Variants in ASXL2 observed in about 807,000 individuals in gnomAD.
The protein encoded by ASXL2 is putative Polycomb group protein ASXL2.
A neutral mutation model predicts 122.0 loss-of-function variants in ASXL2; 23 were observed. The observed-to-expected ratio is 0.19, with a 90% CI of 0.14 to 0.27. The LOEUF is 0.27. ASXL2 is among the 10% of genes least tolerant of loss of function. ASXL2 has a pLI of 1.00. For synonymous variants in ASXL2, 650 were observed against 637.0 expected (o/e 1.02, Z -0.31); for missense variants, 1,518 against 1,713.8 (o/e 0.89, Z 2.02).
At chr2:25,847,624 T>C (rs956595027) in intron 1 of ASXL2, among the ~76,000 whole-genome samples, 1 of 152,226 alleles carries the variant, frequency 6.6e-6, no homozygotes, top group African/African-American at 2.4e-5. Flanking sequence ...CTTCTATTTA[T>C]TTATTGTTTA....
chr2:25,737,152 C>T lies in ASXL2; in HGVS notation c.*4877G>A, dbSNP rs2087749719. 6.6e-6 allele frequency: 1 copy of T among 151,960 alleles called. No individual in the cohort carries two copies. Among genetic ancestry groups the T allele is most frequent in the African/African-American group, 2.4e-5 (1 of 41,348 alleles). 9.4% of individuals were successfully genotyped at this position (151,960 alleles called of 1,614,324 possible). ...TTATTTTCCTTGCTCTTTGACCTCTCCAGATTAGACGGGCAGGAAGGACAT... is the reference window on the plus strand; with the variant it reads ...TTATTTTCCTTGCTCTTTGACCTCTTCAGATTAGACGGGCAGGAAGGACAT... On this transcript the variant is annotated 3_prime_UTR_variant, in exon 13 of 13. Transcript: ENST00000435504.
intron 3 of ASXL2, among the ~76,000 whole-genome samples, chr2:25,832,560 G>A (rs2089466213): frequency 6.6e-6 from 1 of 151,608 alleles, no homozygotes; most frequent in African/African-American, 2.4e-5. Context: ...GCAAGGATTG[G>A]CAGCATGGGC....
At chr2:25,764,451 A>G (rs1242065525) in intron 8 of ASXL2, among the ~76,000 whole-genome samples, 1 of 152,190 alleles carries the variant, frequency 6.6e-6, no homozygotes, top group East Asian at 1.9e-4. Flanking sequence ...ATAAATAAAA[A>G]TCACCAAAAA....
At chr2:25,835,027 T>C (rs2149188425) in intron 3 of ASXL2, among the ~76,000 whole-genome samples, 1 of 152,236 alleles carries the variant, frequency 6.6e-6, no homozygotes. Flanking sequence ...TTTCACCATA[T>C]TGGTCAGGCT....
intron 1 of ASXL2, among the ~76,000 whole-genome samples, chr2:25,855,985 C>G (rs891576677): frequency 2.0e-5 from 3 of 151,816 alleles, no homozygotes; most frequent in African/African-American, 7.3e-5. Context: ...CCTCCGTCTC[C>G]CGGGTTCAAG....
intron 2 of ASXL2, 47 bp downstream of exon 2, chr2:25,845,434 T>C: frequency 7.4e-7 from 1 of 1,357,508 alleles, no homozygotes; most frequent in Non-Finnish European, 9.9e-7. Flanking sequence ...TACCAAATAC[T>C]CTGATCAAGT....
intron 3 of ASXL2, among the ~76,000 whole-genome samples, chr2:25,819,959 G>C (rs2089289193): frequency 6.6e-6 from 1 of 152,136 alleles, no homozygotes; most frequent in South Asian, 2.1e-4. Flanking sequence ...CCCCAGGCTA[G>C]AGTGCAGTGG....
intron 3 of ASXL2, chr2:25,810,618 A>C (rs10174199): frequency 0.31 from 236,148 of 770,806 alleles, 42,308 homozygotes; most frequent in Non-Finnish European, 0.36. Flanking sequence ...GAACCTGGAT[A>C]TTGTGCTTCA....
intron 8 of ASXL2, among the ~76,000 whole-genome samples, chr2:25,766,152 C>CAATTCTTG (rs1350869644): frequency 6.6e-6 from 1 of 152,050 alleles, no homozygotes; most frequent in African/African-American, 2.4e-5. Context: ...TCTGTACTCC[C>CAATTCTTG]AATTCTTGAA....
chr2:25,860,120 T>C (rs2149199592), intron 1 of ASXL2, among the ~76,000 whole-genome samples: 1 of 151,522 alleles, frequency 6.6e-6, no homozygotes, highest in Admixed American at 6.6e-5. Context: ...TCGGGAGTAC[T>C]GACCAACATG....
At chr2:25,786,709 C>T (rs1447027850) in intron 5 of ASXL2, among the ~76,000 whole-genome samples, 1 of 152,000 alleles carries the variant, frequency 6.6e-6, no homozygotes, top group African/African-American at 2.4e-5. Context: ...CAAAAATGAG[C>T]TGGGTGTGGT....
rs35322542 is a variant in ASXL2, at chr2:25,771,543, A to AG, written c.404-4dup. 0.27 allele frequency: 438,419 copies of AG among 1,605,402 alleles called. 62,377 individuals are homozygous for AG. Among genetic ancestry groups the AG allele is most frequent in the Non-Finnish European group, 0.3 (347,668 of 1,174,994 alleles). On this transcript the variant is annotated splice_region_variant and splice_polypyrimidine_tract_variant and intron_variant, in intron 5 of 12. Coordinates refer to ENST00000435504, the MANE Select transcript of ASXL2 (RefSeq NM_018263.6). ...TGACTGCGGGGAGGACGACGATACT[A>AG]GGGAAAAAAAAGTGACAATAAAAGA...
chr2:25,851,874 CAAT>C (rs1365203415), intron 1 of ASXL2, among the ~76,000 whole-genome samples: 1 of 151,890 alleles, frequency 6.6e-6, no homozygotes, highest in African/African-American at 2.4e-5. Flanking sequence ...CTCGGTGACA[CAAT>C]GAGACTCTGC....
intron 5 of ASXL2, among the ~76,000 whole-genome samples, chr2:25,792,193 A>G (rs951266128): frequency 2.3e-4 from 35 of 152,260 alleles, no homozygotes; most frequent in African/African-American, 8.2e-4. Context: ...TAGAGACAGG[A>G]GTCTCACTAT....
intron 5 of ASXL2, chr2:25,780,226 T>C (rs952956029): frequency 2.4e-4 from 36 of 152,194 alleles, no homozygotes. Context: ...GATTTTTTTT[T>C]TTTTTTTAAG....
intron 3 of ASXL2, chr2:25,809,947 A>G: frequency 1.9e-6 from 1 of 523,968 alleles, no homozygotes; most frequent in South Asian, 1.4e-5. Context: ...CAGGTCAAGC[A>G]GAGTCTGGTC....
intron 3 of ASXL2, among the ~76,000 whole-genome samples, chr2:25,809,390 A>G (rs559290635): frequency 5.3e-5 from 8 of 152,062 alleles, no homozygotes; most frequent in African/African-American, 1.9e-4. Context: ...TGTTTGGCTA[A>G]CTCCTCCTGG....
At chr2:25,859,669 CT>C (rs1471473360) in intron 1 of ASXL2, among the ~76,000 whole-genome samples, 1 of 152,180 alleles carries the variant, frequency 6.6e-6, no homozygotes, top group African/African-American at 2.4e-5. Context: ...AGTAAACAGA[CT>C]TTTCTTAAGC....
In ASXL2 at chr2:25,873,892, T is replaced by C. The variant is rs139610648; in HGVS notation, c.57+4274A>G. On this transcript the variant is annotated intron_variant, in intron 1 of 12. Coordinates refer to ENST00000435504, the MANE Select transcript of ASXL2 (RefSeq NM_018263.6). ...ACTCTTTCACCTTTTAATGCTTTTC[T>C]AGCCATGGGTAAGGAAAGAAAAGTC... 5.3e-3 allele frequency among the ~76,000 whole-genome samples: 812 copies of C among 152,286 alleles called. 6 individuals carry two copies. Among genetic ancestry groups the C allele is most frequent in the Non-Finnish European group, 7.7e-3 (524 of 68,024 alleles).
Sources: gnomAD v4.1 joint callset for allele counts (sites outside exome capture counted in the v4.1 genomes callset) on GRCh38, gnomAD v4.1.1 for gene constraint, MANE v1.5 for transcripts, NCBI Gene and HGNC (gene_info 2026-07-23, HGNC 2026-07-21) for gene names.